The following PCDHGA8 variants were observed in gnomAD, a reference collection of about 807,000 sequenced individuals.
PCDHGA8 encodes protocadherin gamma subfamily A, 8.
A neutral mutation model predicts 59.2 loss-of-function variants in PCDHGA8; 45 were observed. The observed-to-expected ratio is 0.76, with a 90% CI of 0.60 to 0.98. PCDHGA8 has a LOEUF of 0.98. Ranked by LOEUF, PCDHGA8 falls within the 50% of genes least tolerant of loss-of-function variation. The pLI, the probability that PCDHGA8 is intolerant of heterozygous loss-of-function variation, is 0.00. For synonymous variants in PCDHGA8, 531 were observed against 519.0 expected, an observed-to-expected ratio of 1.02 and a Z score of -0.32; for missense variants, 1,257 against 1,196.2, an observed-to-expected ratio of 1.05 and a Z score of -0.75.
intron 1 of PCDHGA8, chr5:141,409,550 C>T (rs764101999): frequency 1.9e-6 from 3 of 1,613,992 alleles, no homozygotes; most frequent in African/African-American, 2.7e-5. Context: ...CGACAACGCC[C>T]CAGTTTTCGA....
intron 1 of PCDHGA8, chr5:141,433,284 C>T: frequency 8.5e-7 from 1 of 1,176,236 alleles, no homozygotes; most frequent in Non-Finnish European, 1.2e-6. Flanking sequence ...GCCTCAAACT[C>T]CTAGGCTCAA....
intron 1 of PCDHGA8, among the ~76,000 whole-genome samples, chr5:141,494,177 TG>T (rs2099752471): frequency 6.6e-6 from 1 of 152,176 alleles, no homozygotes; most frequent in Non-Finnish European, 1.5e-5. Flanking sequence ...GGGTGAGAAG[TG>T]TCCCGGGACT....
chr5:141,415,740 G>GTTTTTTTTTTTTTTTTTTTTTTT (rs57426385), intron 1 of PCDHGA8: 14 of 625,046 alleles, frequency 2.2e-5, no homozygotes, highest in East Asian at 1.4e-4. Flanking sequence ...GTTTATTAAG[G>GTTTTTTTTTTTTTTTTTTTTTTT]TTTTTTTTTT....
Position 141,485,746 on chromosome 5 carries a change from C to T in PCDHGA8, c.2425-9061C>T, listed in dbSNP as rs1297635523. ...AGAAGCGCAGCGACGGCAGCCTGGT[C>T]CCAGAGCTGCTCCTGGAGAAGCCTT... On this transcript the variant is annotated intron_variant, in intron 1 of 3. Coordinates refer to ENST00000398604, the MANE Select transcript of PCDHGA8 (RefSeq NM_032088.2). The surrounding 1 kb of genome is among the most constrained non-coding windows in gnomAD (Gnocchi z 5.7). 6.2e-7 allele frequency: 1 copy of T among 1,614,128 alleles called. No individual in the cohort carries two copies. The highest frequency in any genetic ancestry group is 2.2e-5 in the East Asian group (1 of 44,880).
chr5:141,408,398 C>A, intron 1 of PCDHGA8: 3 of 1,614,028 alleles, frequency 1.9e-6, no homozygotes, highest in Non-Finnish European at 2.5e-6. Context: ...GGCTCGCAAG[C>A]TGCGAGTGAG....
chr5:141,502,028 G>A (rs561260963), intron 2 of PCDHGA8, among the ~76,000 whole-genome samples: 62 of 152,150 alleles, frequency 4.1e-4, no homozygotes, highest in African/African-American at 1.5e-3. Flanking sequence ...TGCAACCCCC[G>A]CCGCTTGCCT....
At chr5:141,415,458 C>T in intron 1 of PCDHGA8, 5 of 1,614,204 alleles carry the variant, frequency 3.1e-6, no homozygotes, top group Non-Finnish European at 4.2e-6. Flanking sequence ...CCCACGAGGT[C>T]TCTCTCACCG....
rs537850909 is a variant in PCDHGA8 at position 141,441,865 on chromosome 5, G to A, written c.2424+46628G>A. ...CTTGGATATGGTGCTGCACGCCGCG[G>A]AGCCTGGCTACCTGGTCACCAAGGT... On this transcript the variant is annotated intron_variant, in intron 1 of 3. Coordinates refer to ENST00000398604, the MANE Select transcript of PCDHGA8 (RefSeq NM_032088.2). The A allele has an allele frequency of 4.0e-4, 138 of 345,718 alleles. 1 individual carries two copies. The Admixed American group carries it at 4.6e-3, about 12-fold the overall frequency. The allele number at this position is 345,718 out of a possible 1,614,324, so 21.4% of individuals were successfully genotyped here. A position where few individuals can be genotyped will look rare whatever the true frequency, so the allele number is the denominator to read the frequency against.
chr5:141,500,445 G>A (rs1319009998), intron 2 of PCDHGA8, among the ~76,000 whole-genome samples: 1 of 151,816 alleles, frequency 6.6e-6, no homozygotes, highest in Non-Finnish European at 1.5e-5. Flanking sequence ...TCCTGACCTC[G>A]TGATCCGCCC....
In PCDHGA8 at chr5:141,432,287, G is replaced by A. The variant is rs189131107; in HGVS notation, c.2424+37050G>A. On this transcript the variant is annotated intron_variant, in intron 1 of 3. Transcript: ENST00000398604. This position sits in a 1 kb window ranked among gnomAD's most constrained non-coding sequence, Gnocchi z 6.0. ...ATCGTCCTACGTGTCCATCAACTCC[G>A]ACACTGGGGTACTGTATGCGCTGAG... The A allele has an allele frequency of 2.3e-4, 365 of 1,614,216 alleles. 2 individuals carry two copies. In the East Asian group the frequency reaches 6.5e-3, roughly 29 times the overall value.
chr5:141,404,132 T>C, intron 1 of PCDHGA8: 1 of 1,613,136 alleles, frequency 6.2e-7, no homozygotes, highest in Non-Finnish European at 8.5e-7. Context: ...ATCTTTTACA[T>C]TAGAAAATTC....
In PCDHGA8 at chr5:141,485,513, T is replaced by C. The variant is rs751762068; in HGVS notation, c.2425-9294T>C. The C allele has an allele frequency of 4.3e-6, 7 of 1,613,938 alleles. No homozygotes were observed. The highest frequency in any genetic ancestry group is 2.2e-5 in the East Asian group (1 of 44,890). On this transcript the variant is annotated intron_variant, in intron 1 of 3. Coordinates refer to ENST00000398604, the MANE Select transcript of PCDHGA8 (RefSeq NM_032088.2). The surrounding 1 kb of genome is among the most constrained non-coding windows in gnomAD (Gnocchi z 5.7). ...CCTGGAGTTTGTCACCGAAGGTCCTTTGGAAATGTACCGAGCAGAGGTAGA... is the reference window on the plus strand; with the variant it reads ...CCTGGAGTTTGTCACCGAAGGTCCTCTGGAAATGTACCGAGCAGAGGTAGA...
At chr5:141,469,012 C>T (rs1196140759) in intron 1 of PCDHGA8, among the ~76,000 whole-genome samples, 1 of 151,852 alleles carries the variant, frequency 6.6e-6, no homozygotes, top group Non-Finnish European at 1.5e-5. Flanking sequence ...TGCGGTGGGT[C>T]ACTCCTGTAA....
At chr5:141,419,439 C>G (rs375537017) in intron 1 of PCDHGA8, 1 of 1,613,154 alleles carries the variant, frequency 6.2e-7, no homozygotes, top group Non-Finnish European at 8.5e-7. Context: ...CAGCTGCGCA[C>G]CTTCGAGCTC....
At chr5:141,494,654 G>A in intron 1 of PCDHGA8, 153 bp from the exon 2 acceptor site, 1 of 966,640 alleles carries the variant, frequency 1.0e-6, no homozygotes, top group South Asian at 4.8e-5. Context: ...GGTGTATTTT[G>A]TCTTTGGAGA....
At position 141,476,418 on chromosome 5, in the gene PCDHGA8, T is replaced by G. The variant is rs201255025; in HGVS notation, c.2425-18389T>G. ...GATCGAGAGGAGCTGTGTGGGACAC[T>G]GCCCTCTTGCACTGTAACTCTGGAG... On this transcript the variant is annotated intron_variant, in intron 1 of 3. Transcript: ENST00000398604. This position sits in a 1 kb window ranked among gnomAD's most constrained non-coding sequence, Gnocchi z 7.6. 8 of 1,614,122 alleles carry G rather than the reference T, an allele frequency of 5.0e-6. No homozygotes were observed. The highest frequency in any genetic ancestry group is 1.6e-4 in the Middle Eastern group (1 of 6,062).
chr5:141,401,342 C>CA (rs929380194), intron 1 of PCDHGA8, among the ~76,000 whole-genome samples: 26 of 150,494 alleles, frequency 1.7e-4, no homozygotes, highest in East Asian at 1.6e-3. Context: ...AACTCCATCT[C>CA]AAAAAAAAGG....
rs1231863269 is a variant in PCDHGA8 at position 141,485,594 on chromosome 5, G to A, written c.2425-9213G>A. 1.9e-6 allele frequency: 3 copies of A among 1,612,578 alleles called. No individual in the cohort carries two copies. The highest frequency in any genetic ancestry group is 2.5e-6 in the Non-Finnish European group (3 of 1,178,798). On this transcript the variant is annotated intron_variant, in intron 1 of 3. Transcript: ENST00000398604. The surrounding 1 kb of genome is among the most constrained non-coding windows in gnomAD (Gnocchi z 5.7). ...TTTTCCGCGGCAGCAGCTGGACTTGGAAATTGGGGAGGCAGCTCCTCCAGG... is the reference window on the plus strand; with the variant it reads ...TTTTCCGCGGCAGCAGCTGGACTTGAAAATTGGGGAGGCAGCTCCTCCAGG...
chr5:141,470,035 G>A lies in PCDHGA8; in HGVS notation c.2425-24772G>A, dbSNP rs761812438. ...TCCCAGCTACTCGGGATGCTGAGGC[G>A]CGAGAACTGTTTGAACCCCGGAGGC... On this transcript the variant is annotated intron_variant, in intron 1 of 3. Transcript: ENST00000398604. Among the ~76,000 whole-genome samples, 97 of 152,224 alleles carry A rather than the reference G, an allele frequency of 6.4e-4. 2 individuals carry two copies. Among genetic ancestry groups the A allele is most frequent in the East Asian group, 1.2e-3 (6 of 5,170 alleles).
Sources: allele counts gnomAD v4.1 joint callset (sites outside exome capture counted in the v4.1 genomes callset), GRCh38; gene constraint gnomAD v4.1.1; non-coding constraint Gnocchi (gnomAD v3.1); transcripts MANE v1.5; gene names NCBI Gene and HGNC (gene_info 2026-07-23, HGNC 2026-07-21).